The following EPC2 variants were observed in gnomAD, a reference collection of about 807,000 sequenced individuals.
The protein encoded by EPC2 is enhancer of polycomb homolog 2.
EPC2 carries 14 observed loss-of-function variants against 92.1 expected under a neutral mutation model. The ratio of observed to expected loss-of-function variants is 0.15; its 90% confidence interval spans 0.10 to 0.24. The LOEUF is 0.24. Among genes scored for constraint, EPC2 ranks in the 10% least tolerant of loss-of-function variants. The pLI is 1.00. For missense variants in EPC2, 755 were observed against 971.5 expected (o/e 0.78, Z 2.96); for synonymous variants, 340 against 334.7 (o/e 1.02, Z -0.17).
Position 148,741,147 on chromosome 2 carries a change from A to G in EPC2, c.314-2475A>G, listed in dbSNP as rs193285886. Among the ~76,000 whole-genome samples the G allele has an allele frequency of 2.6e-5, 4 of 152,324 alleles. No homozygotes were observed. The East Asian group carries it at 7.7e-4, about 29-fold the overall frequency. On this transcript the variant is annotated intron_variant, in intron 2 of 13. Coordinates refer to ENST00000258484, the MANE Select transcript of EPC2 (RefSeq NM_015630.4). ...AATAGTTTTTATCATTAGTTCACCA[A>G]TAGCTGTAACTCCTCTGATTTAACT...
At chr2:148,675,846 A>G (rs889713598) in intron 1 of EPC2, among the ~76,000 whole-genome samples, 1 of 152,222 alleles carries the variant, frequency 6.6e-6, no homozygotes, top group African/African-American at 2.4e-5. Flanking sequence ...TCAGTCAGCT[A>G]TCTTTAGTTG....
At chr2:148,751,239 A>G (rs1370308213) in intron 3 of EPC2, among the ~76,000 whole-genome samples, 1 of 152,066 alleles carries the variant, frequency 6.6e-6, no homozygotes, top group African/African-American at 2.4e-5. Context: ...TACATATAAT[A>G]TATTCGTTTA....
chr2:148,661,362 A>G (rs1178069808), intron 1 of EPC2, among the ~76,000 whole-genome samples: 5 of 152,218 alleles, frequency 3.3e-5, no homozygotes, highest in South Asian at 2.1e-4. Flanking sequence ...GTTGATTTCT[A>G]TGTTAATTTT....
chr2:148,666,977 T>C (rs1271679024), intron 1 of EPC2, among the ~76,000 whole-genome samples: 1 of 152,104 alleles, frequency 6.6e-6, no homozygotes, highest in Admixed American at 6.6e-5. Flanking sequence ...TAAACTCTCT[T>C]AGAGTGCCAA....
At chr2:148,781,601 CTT>C in intron 10 of EPC2, 41 bp from the exon 11 acceptor site, 1 of 1,572,352 alleles carries the variant, frequency 6.4e-7, no homozygotes, top group Non-Finnish European at 8.6e-7. Flanking sequence ...TATTAAAAAT[CTT>C]TTAAAACGTA....
At chr2:148,739,559 A>G (rs550379489) in intron 2 of EPC2, among the ~76,000 whole-genome samples, 3 of 152,316 alleles carry the variant, frequency 2.0e-5, no homozygotes, top group East Asian at 1.9e-4. Flanking sequence ...TAGACTAACT[A>G]TATATATTTT....
intron 2 of EPC2, among the ~76,000 whole-genome samples, chr2:148,743,000 C>G (rs1682908152): frequency 6.6e-6 from 1 of 152,012 alleles, no homozygotes; most frequent in Non-Finnish European, 1.5e-5. Flanking sequence ...TTTATATAGT[C>G]AAATCAATCT....
intron 1 of EPC2, among the ~76,000 whole-genome samples, chr2:148,676,128 T>G (rs1681256934): frequency 1.1e-5 from 1 of 89,454 alleles, no homozygotes; most frequent in African/African-American, 3.8e-5. Flanking sequence ...AATTACTTAG[T>G]TTTTTTTTTT....
chr2:148,662,248 A>T (rs893817146), intron 1 of EPC2, among the ~76,000 whole-genome samples: 1 of 152,130 alleles, frequency 6.6e-6, no homozygotes, highest in Non-Finnish European at 1.5e-5. Flanking sequence ...CCATTGTGGA[A>T]GTCAGTGTGG....
Position 148,667,351 on chromosome 2 carries a change from A to G in EPC2, c.153+22181A>G, listed in dbSNP as rs529113243. Among the ~76,000 whole-genome samples the G allele has an allele frequency of 1.1e-3, 163 of 152,348 alleles. 1 individual carries two copies. The highest frequency in any genetic ancestry group is 3.8e-3 in the African/African-American group (156 of 41,578). ...GGAACTAGCACACTGTTATGTTTCAAACCAGTGGAGATTGAAATGGGATCT... is the reference window on the plus strand; with the variant it reads ...GGAACTAGCACACTGTTATGTTTCAGACCAGTGGAGATTGAAATGGGATCT... On this transcript the variant is annotated intron_variant, in intron 1 of 13. Coordinates refer to ENST00000258484, the MANE Select transcript of EPC2 (RefSeq NM_015630.4).
At chr2:148,686,541 G>T (rs542013485) in intron 1 of EPC2, among the ~76,000 whole-genome samples, 4 of 152,292 alleles carry the variant, frequency 2.6e-5, no homozygotes, top group African/African-American at 9.6e-5. Context: ...TTTTCAGAAG[G>T]TTTTCAGTTT....
At chr2:148,672,547 A>G (rs1328694983) in intron 1 of EPC2, among the ~76,000 whole-genome samples, 3 of 152,206 alleles carry the variant, frequency 2.0e-5, no homozygotes, top group Non-Finnish European at 4.4e-5. Context: ...AACATCTTAC[A>G]GTGGCAACAG....
Position 148,739,830 on chromosome 2 carries a change from C to CTTTTTTTT in EPC2, c.314-3790_314-3789insTTTTTTTT, listed in dbSNP as rs879739457. Among the ~76,000 whole-genome samples the CTTTTTTTT allele has an allele frequency of 1.6e-3, 153 of 96,500 alleles. 3 individuals are homozygous for CTTTTTTTT. Among genetic ancestry groups the CTTTTTTTT allele is most frequent in the Middle Eastern group, 6.1e-3 (1 of 164 alleles). 63.3% of individuals were successfully genotyped at this position (96,500 alleles called of 152,430 possible). On this transcript the variant is annotated intron_variant, in intron 2 of 13. Coordinates refer to ENST00000258484, the MANE Select transcript of EPC2 (RefSeq NM_015630.4). ...TCTTTCTTCCTTTTCTTTTCTTCTT[C>CTTTTTTTT]TTCTTTTTTTTTTTTTTTTTTTTTT...
chr2:148,702,116 T>C (rs1681901303), intron 2 of EPC2, among the ~76,000 whole-genome samples: 1 of 152,142 alleles, frequency 6.6e-6, no homozygotes, highest in African/African-American at 2.4e-5. Flanking sequence ...TCTTAGAGAT[T>C]ATTCAGTGTT....
chr2:148,663,337 G>A (rs935418637), intron 1 of EPC2, among the ~76,000 whole-genome samples: 1 of 150,614 alleles, frequency 6.6e-6, no homozygotes, highest in South Asian at 2.1e-4. Context: ...TCCTGCCTCA[G>A]CCTCCCGAGT....
At chr2:148,665,475 A>G (rs565449872) in intron 1 of EPC2, among the ~76,000 whole-genome samples, 70 of 152,332 alleles carry the variant, frequency 4.6e-4, no homozygotes, top group African/African-American at 1.7e-3. Flanking sequence ...ACTTAGCATT[A>G]GGAAATTGTT....
At chr2:148,655,054 T>G (rs2105351490) in intron 1 of EPC2, among the ~76,000 whole-genome samples, 1 of 152,326 alleles carries the variant, frequency 6.6e-6, no homozygotes, top group Non-Finnish European at 1.5e-5. Flanking sequence ...AAAAGTATGG[T>G]ATTGATGAGG....
chr2:148,769,204 T>C lies in EPC2; in HGVS notation c.1194T>C (p.Cys398=). Residue 398 remains cysteine, a synonymous_variant, in exon 8 of 14, where the codon TGT becomes TGC. Transcript: ENST00000258484. The part of the protein sequence containing the change: ...PEEENDPDGP[C]AFRRRAGCQY... ...AAGAAAATGATCCTGATGGTCCCTG[T>C]GCTTTCAGAAGGCGGGCAGGATGCC... is the stretch of plus-strand genomic sequence containing the variant. 1.2e-6 allele frequency: 2 copies of C among 1,612,718 alleles called. No individual in the cohort carries two copies. Among genetic ancestry groups the C allele is most frequent in the Non-Finnish European group, 1.7e-6 (2 of 1,179,376 alleles).
At chr2:148,649,061 G>A (rs35884816) in intron 1 of EPC2, among the ~76,000 whole-genome samples, 27,284 of 152,054 alleles carry the variant, frequency 0.18, 3,188 homozygotes, top group East Asian at 0.49. Flanking sequence ...CGGTTCTGCC[G>A]CCTCCCCATG....
Sources: gnomAD v4.1 joint callset for allele counts (sites outside exome capture counted in the v4.1 genomes callset) on GRCh38, gnomAD v4.1.1 for gene constraint, MANE v1.5 for transcripts, NCBI Gene and HGNC (gene_info 2026-07-23, HGNC 2026-07-21) for gene names.